Variants in THSD7B observed in about 807,000 individuals in gnomAD.
THSD7B encodes the protein thrombospondin type 1 domain containing 7B, also known as thrombospondin type-1 domain-containing protein 7B.
THSD7B carries 138 observed loss-of-function variants against 213.6 expected under a neutral mutation model. The observed-to-expected ratio is 0.65, with a 90% CI of 0.56 to 0.74. The LOEUF (loss-of-function observed/expected upper bound fraction) is 0.74. THSD7B is among the 30% of genes least tolerant of loss of function. The probability of loss-of-function intolerance (pLI) is 0.00; values close to 1 mark genes in which losing one functional copy is unlikely to be tolerated. For synonymous variants in THSD7B, 742 were observed against 687.0 expected, an observed-to-expected ratio of 1.08 and a Z score of -1.25; for missense variants, 1,931 against 1,991.5, an observed-to-expected ratio of 0.97 and a Z score of 0.58.
chr2:137,013,006 C>G (rs1049288402), intron 2 of THSD7B, among the ~76,000 whole-genome samples: 1 of 152,068 alleles, frequency 6.6e-6, no homozygotes, highest in Non-Finnish European at 1.5e-5. Flanking sequence ...CTTAGCCGGT[C>G]AAGATAACTC....
At chr2:137,257,111 A>G (rs1682329702) in intron 10 of THSD7B, among the ~76,000 whole-genome samples, 1 of 152,150 alleles carries the variant, frequency 6.6e-6, no homozygotes, top group South Asian at 2.1e-4. Context: ...TCCATAAATA[A>G]AATCCAGTCA....
chr2:136,958,101 T>C (rs561946002), intron 2 of THSD7B, among the ~76,000 whole-genome samples: 3 of 152,332 alleles, frequency 2.0e-5, no homozygotes, highest in East Asian at 1.9e-4. Context: ...TCTTATTTTA[T>C]GGAGATAAGT....
At chr2:137,496,070 T>C (rs1383092522) in intron 15 of THSD7B, among the ~76,000 whole-genome samples, 1 of 152,050 alleles carries the variant, frequency 6.6e-6, no homozygotes, top group Non-Finnish European at 1.5e-5. Flanking sequence ...CAAATCAGAG[T>C]CACAAAAATT....
intron 27 of THSD7B, among the ~76,000 whole-genome samples, chr2:137,670,080 TCTTTA>T (rs140266395): frequency 7.2e-5 from 11 of 152,342 alleles, no homozygotes; most frequent in Non-Finnish European, 1.0e-4. Flanking sequence ...ATGAAATTTC[TCTTTA>T]CTTTTCAGTA....
In THSD7B at chr2:137,633,021, C is replaced by G. The variant is rs189315277; in HGVS notation, c.3800-9467C>G. Among the ~76,000 whole-genome samples, 79 of 152,284 alleles carry G rather than the reference C, an allele frequency of 5.2e-4. 1 individual carries two copies. Among genetic ancestry groups the G allele is most frequent in the African/African-American group, 1.9e-3 (78 of 41,568 alleles). On this transcript the variant is annotated intron_variant, in intron 20 of 27. Coordinates refer to ENST00000409968, the MANE Select transcript of THSD7B (RefSeq NM_001316349.2). Reference sequence around the variant, plus strand: ...TCTGGGTGTAGAATTACTGCTGCATCAATACCACACATGTGCTAAAGAGCT... The same window carrying G: ...TCTGGGTGTAGAATTACTGCTGCATGAATACCACACATGTGCTAAAGAGCT...
chr2:137,309,854 G>T (rs1369366025), intron 12 of THSD7B, among the ~76,000 whole-genome samples: 1 of 152,112 alleles, frequency 6.6e-6, no homozygotes, highest in African/African-American at 2.4e-5. Flanking sequence ...TTTTATGGCT[G>T]CATAGTATTC....
intron 2 of THSD7B, among the ~76,000 whole-genome samples, chr2:137,022,716 G>T (rs138661837): frequency 1.3e-5 from 2 of 152,122 alleles, no homozygotes; most frequent in Non-Finnish European, 2.9e-5. Flanking sequence ...TGCTGGTCTA[G>T]GTTGTAATTA....
chr2:137,485,889 C>T (rs986090934), intron 15 of THSD7B, among the ~76,000 whole-genome samples: 11 of 152,026 alleles, frequency 7.2e-5, no homozygotes, highest in African/African-American at 2.4e-4. Flanking sequence ...CATATCCAGC[C>T]AAACTAAGCT....
intron 12 of THSD7B, among the ~76,000 whole-genome samples, chr2:137,311,820 G>A (rs865944933): frequency 3.3e-4 from 49 of 148,724 alleles, no homozygotes; most frequent in Admixed American, 2.1e-3. Context: ...ATTGATTTGC[G>A]TATATTGAAC....
intron 12 of THSD7B, among the ~76,000 whole-genome samples, chr2:137,300,665 T>A (rs1437430480): frequency 6.6e-6 from 1 of 152,144 alleles, no homozygotes; most frequent in Non-Finnish European, 1.5e-5. Context: ...TACGAATTCA[T>A]GAGAGGATGG....
chr2:137,230,096 G>T (rs1032634400), intron 7 of THSD7B, among the ~76,000 whole-genome samples: 1 of 152,170 alleles, frequency 6.6e-6, no homozygotes. Flanking sequence ...GAGGGGAATA[G>T]TAAGAGTTGA....
intron 7 of THSD7B, 91 bp downstream of exon 7, chr2:137,171,029 AAGAGAAGCAC>A: frequency 7.5e-7 from 1 of 1,329,946 alleles, no homozygotes; most frequent in Non-Finnish European, 1.0e-6. Flanking sequence ...TCTCATGAGG[AAGAGAAGCAC>A]AGCCTTTCTT....
chr2:137,572,322 A>C, intron 16 of THSD7B, 84 bp from the exon 17 acceptor site: 1 of 1,466,932 alleles, frequency 6.8e-7, no homozygotes, highest in Admixed American at 2.0e-5. Flanking sequence ...AACTATCGTC[A>C]GTTACTATGA....
intron 2 of THSD7B, among the ~76,000 whole-genome samples, chr2:137,003,255 C>T (rs929153824): frequency 1.3e-5 from 2 of 152,138 alleles, no homozygotes; most frequent in African/African-American, 4.8e-5. Flanking sequence ...TCTCAGAGTC[C>T]TGCTCCTTTA....
intron 20 of THSD7B, among the ~76,000 whole-genome samples, chr2:137,634,949 A>G (rs1391273379): frequency 6.6e-6 from 1 of 152,126 alleles, no homozygotes; most frequent in East Asian, 1.9e-4. Flanking sequence ...TACAACCTGT[A>G]TACCACCTCA....
chr2:137,156,377 C>G (rs1338968538), intron 5 of THSD7B, among the ~76,000 whole-genome samples: 1 of 152,130 alleles, frequency 6.6e-6, no homozygotes, highest in Non-Finnish European at 1.5e-5. Context: ...CACTGTCCAT[C>G]AAAACAGCAG....
At chr2:137,630,377 C>T (rs1478944660) in intron 20 of THSD7B, among the ~76,000 whole-genome samples, 1 of 152,160 alleles carries the variant, frequency 6.6e-6, no homozygotes, top group African/African-American at 2.4e-5. Context: ...CACCTACCCT[C>T]AAGACTGTGC....
At chr2:136,957,674 T>C (rs775233842) in intron 2 of THSD7B, among the ~76,000 whole-genome samples, 9 of 152,198 alleles carry the variant, frequency 5.9e-5, no homozygotes, top group African/African-American at 9.6e-5. Context: ...TAATACTTCA[T>C]GTAGTATTAT....
chr2:137,007,411 A>G (rs965508730), intron 2 of THSD7B, among the ~76,000 whole-genome samples: 2 of 152,208 alleles, frequency 1.3e-5, no homozygotes, highest in African/African-American at 2.4e-5. Flanking sequence ...AATCACATTA[A>G]CACTAATAGA....
Sources: allele counts gnomAD v4.1 joint callset (sites outside exome capture counted in the v4.1 genomes callset), GRCh38; gene constraint gnomAD v4.1.1; transcripts MANE v1.5; gene names NCBI Gene and HGNC (gene_info 2026-07-23, HGNC 2026-07-21).